The following CALN1 variants were observed in gnomAD, a reference collection of about 807,000 sequenced individuals.
The protein encoded by CALN1 is calcium-binding protein 8.
Under a neutral mutation model 30.6 loss-of-function variants are expected in CALN1, and 17 were observed. The ratio of observed to expected loss-of-function variants is 0.56; its 90% CI spans 0.38 to 0.83. CALN1 has a LOEUF of 0.83. Ranked by LOEUF, CALN1 falls within the 40% of genes least tolerant of loss-of-function variation. CALN1 has a pLI of 0.00. For missense variants in CALN1, 291 were observed against 354.9 expected, an observed-to-expected ratio of 0.82 and a Z score of 1.45; for synonymous variants, 156 against 131.4, an observed-to-expected ratio of 1.19 and a Z score of -1.28.
intron 2 of CALN1, among the ~76,000 whole-genome samples, chr7:72,350,273 C>A (rs569667019): frequency 6.6e-6 from 1 of 152,288 alleles, no homozygotes; most frequent in African/African-American, 2.4e-5. Context: ...ACCCAGCAAT[C>A]CACTGGGTAT....
intron 2 of CALN1, among the ~76,000 whole-genome samples, chr7:72,390,094 G>A (rs1805481682): frequency 6.6e-6 from 1 of 152,002 alleles, no homozygotes; most frequent in African/African-American, 2.4e-5. Context: ...TAGGACCTTT[G>A]CCCTGGGAAG....
chr7:72,148,303 C>T (rs527924151), intron 3 of CALN1, among the ~76,000 whole-genome samples: 111 of 150,126 alleles, frequency 7.4e-4, no homozygotes, highest in African/African-American at 2.6e-3. Flanking sequence ...GGTGCAGTGG[C>T]TCACTTGTAA....
At chr7:72,469,056 T>C in the CALN1 span, among the ~76,000 whole-genome samples, 1 of 152,234 alleles carries the variant, frequency 6.6e-6, no homozygotes, top group Non-Finnish European at 1.5e-5. Flanking sequence ...GTTTTTAACT[T>C]TGATAAAGTT....
intron 2 of CALN1, among the ~76,000 whole-genome samples, chr7:72,319,814 C>T (rs1800745562): frequency 6.6e-6 from 1 of 151,770 alleles, no homozygotes; most frequent in Non-Finnish European, 1.5e-5. Context: ...TACACACGGA[C>T]ATAGAGAGTG....
At chr7:72,054,250 C>T (rs916910521) in intron 4 of CALN1, among the ~76,000 whole-genome samples, 3 of 151,890 alleles carry the variant, frequency 2.0e-5, no homozygotes, top group Non-Finnish European at 4.4e-5. Context: ...TACTAGTTTA[C>T]ATTCCCACCA....
intron 2 of CALN1, among the ~76,000 whole-genome samples, chr7:72,352,457 C>T (rs1457420009): frequency 6.9e-6 from 1 of 145,370 alleles, no homozygotes; most frequent in African/African-American, 2.5e-5. Flanking sequence ...ATTCTATAAC[C>T]ATAACGGAAT....
intron 3 of CALN1, among the ~76,000 whole-genome samples, chr7:72,263,857 G>A (rs1796436946): frequency 6.6e-6 from 1 of 152,178 alleles, no homozygotes; most frequent in East Asian, 1.9e-4. Context: ...TTTAGGCACT[G>A]CCTCAAGGAT....
chr7:72,289,652 C>CCA (rs747903018), intron 2 of CALN1, among the ~76,000 whole-genome samples: 12 of 152,012 alleles, frequency 7.9e-5, no homozygotes, highest in Middle Eastern at 3.4e-3. Context: ...AGTATCTCCA[C>CCA]CACACACACA....
intron 2 of CALN1, among the ~76,000 whole-genome samples, chr7:72,347,805 G>C (rs1802724580): frequency 6.6e-6 from 1 of 152,146 alleles, no homozygotes; most frequent in South Asian, 2.1e-4. Flanking sequence ...TTACTAGGTT[G>C]GTGCAAAAGT....
chr7:72,160,471 G>A (rs1788025975), intron 3 of CALN1, among the ~76,000 whole-genome samples: 1 of 151,892 alleles, frequency 6.6e-6, no homozygotes, highest in Non-Finnish European at 1.5e-5. Flanking sequence ...TAGAGATGGG[G>A]TTTCACCATG....
chr7:71,936,969 A>T (rs1348672598), intron 5 of CALN1, among the ~76,000 whole-genome samples: 2 of 152,044 alleles, frequency 1.3e-5, no homozygotes, highest in Non-Finnish European at 2.9e-5. Flanking sequence ...ATCTCCAGCC[A>T]TGATTCTGAG....
chr7:72,237,592 G>C (rs1016122386), intron 3 of CALN1, among the ~76,000 whole-genome samples: 7 of 152,172 alleles, frequency 4.6e-5, no homozygotes, highest in African/African-American at 1.7e-4. Flanking sequence ...AGTCTTCACT[G>C]CCTGTTAGAG....
chr7:72,422,090 C>A (rs1807631255), intron 1 of CALN1, among the ~76,000 whole-genome samples: 1 of 152,310 alleles, frequency 6.6e-6, no homozygotes, highest in Non-Finnish European at 1.5e-5. Flanking sequence ...TATAAACATA[C>A]ATCTGCAAGT....
the CALN1 span, among the ~76,000 whole-genome samples, chr7:72,465,131 T>C: frequency 6.6e-6 from 1 of 152,018 alleles, no homozygotes; most frequent in Non-Finnish European, 1.5e-5. Context: ...CTCCAGAACT[T>C]GAGAAAGAGG....
In CALN1 at chr7:72,363,684, T is replaced by A. The variant is rs563870669; in HGVS notation, c.119+39567A>T. ...TTGGTGGGAATATGTAGTAGCTAAATGTCTGTAACAGGCTACTTGCAACAT... is the reference window on the plus strand; with the variant it reads ...TTGGTGGGAATATGTAGTAGCTAAAAGTCTGTAACAGGCTACTTGCAACAT... On this transcript the variant is annotated intron_variant, in intron 2 of 6. Coordinates refer to ENST00000395275, the MANE Select transcript of CALN1 (RefSeq NM_031468.4). 2.6e-3 allele frequency among the ~76,000 whole-genome samples: 389 copies of A among 151,876 alleles called. 1 individual carries two copies. The highest frequency in any genetic ancestry group is 3.9e-3 in the Non-Finnish European group (268 of 67,978).
chr7:72,356,603 G>A (rs547680166), intron 2 of CALN1, among the ~76,000 whole-genome samples: 8 of 152,016 alleles, frequency 5.3e-5, no homozygotes, highest in Non-Finnish European at 1.2e-4. Context: ...CTCCCTGAAA[G>A]ATGGAACATT....
intron 2 of CALN1, among the ~76,000 whole-genome samples, chr7:72,385,098 G>A (rs1355504672): frequency 6.6e-6 from 1 of 152,110 alleles, no homozygotes; most frequent in Non-Finnish European, 1.5e-5. Flanking sequence ...ATTAAAACAA[G>A]ATACCACTAC....
intron 5 of CALN1, among the ~76,000 whole-genome samples, chr7:72,012,269 G>A (rs1800123968): frequency 6.6e-6 from 1 of 152,146 alleles, no homozygotes; most frequent in African/African-American, 2.4e-5. Context: ...TATAATCCCA[G>A]CACTTTGGGA....
chr7:72,254,564 G>A (rs1585276104), intron 3 of CALN1, among the ~76,000 whole-genome samples: 1 of 151,684 alleles, frequency 6.6e-6, no homozygotes, highest in East Asian at 1.9e-4. Context: ...AATGCTTTAG[G>A]GCAAAAAACA....
Sources: allele counts gnomAD v4.1 joint callset (sites outside exome capture counted in the v4.1 genomes callset), GRCh38; gene constraint gnomAD v4.1.1; transcripts MANE v1.5; gene names NCBI Gene and HGNC (gene_info 2026-07-23, HGNC 2026-07-21).